The following FADS3 variants were observed in gnomAD, a reference collection of about 807,000 sequenced individuals.
FADS3 encodes cytochrome b5-related protein.
A neutral mutation model predicts 60.4 loss-of-function variants in FADS3; 30 were observed. The ratio of observed to expected loss-of-function variants is 0.50; its 90% CI spans 0.37 to 0.67. The LOEUF is 0.67. Ranked by LOEUF, FADS3 falls within the 30% of genes least tolerant of loss-of-function variation. The probability of loss-of-function intolerance (pLI) is 0.00; values close to 1 mark genes in which losing one functional copy is unlikely to be tolerated. For missense variants in FADS3, 432 were observed against 598.3 expected (o/e 0.72, Z 2.90); for synonymous variants, 234 against 249.3 (o/e 0.94, Z 0.58).
Position 61,877,894 on chromosome 11 carries a change from C to G in FADS3, c.808+261G>C, listed in dbSNP as rs538579985. 2.2e-5 allele frequency: 13 copies of G among 593,850 alleles called. No homozygotes were observed. The African/African-American group carries it at 2.2e-4, about 10-fold the overall frequency. The allele number at this position is 593,850 out of a possible 1,614,324, so 36.8% of individuals were successfully genotyped here. ...ACTCTAGTGAGGGCAAGAAGAAATT[C>G]TACGTGGGGCTTGGGGAAGCTCCCA... is the stretch of plus-strand genomic sequence containing the variant. On this transcript the variant is annotated intron_variant, in intron 6 of 11. Transcript: ENST00000278829. This position sits in a 1 kb window ranked among gnomAD's most constrained non-coding sequence, Gnocchi z 4.7.
chr11:61,891,491 C>T lies in FADS3; in HGVS notation c.-110G>A, dbSNP rs1023521476. On this transcript the variant is annotated 5_prime_UTR_variant, in exon 1 of 12. Coordinates refer to ENST00000278829, the MANE Select transcript of FADS3 (RefSeq NM_021727.5). ...CCGCCTCCGCCGCCGCCCGCTGCTC[C>T]GGCCCCGCCCTGCCGCCGCGGCCGC... 4 of 719,098 alleles carry T rather than the reference C, an allele frequency of 5.6e-6. No homozygotes were observed. In the Admixed American group the frequency reaches 1.4e-4, roughly 24 times the overall value. 44.5% of individuals were successfully genotyped at this position (719,098 alleles called of 1,614,324 possible).
chr11:61,878,979 T>C, intron 3 of FADS3, 132 bp from the exon 4 acceptor site: 1 of 728,404 alleles, frequency 1.4e-6, no homozygotes, highest in Non-Finnish European at 2.3e-6. Flanking sequence ...TGTGGGCCAG[T>C]GTCCTCTTTT....
intron 11 of FADS3, 102 bp from the exon 12 acceptor site, chr11:61,873,967 T>G: frequency 1.4e-6 from 1 of 727,104 alleles, no homozygotes; most frequent in Non-Finnish European, 2.3e-6. Context: ...AGATCCCCAT[T>G]CCCTGTGGGT....
At chr11:61,890,088 C>G (rs1187139793) in intron 1 of FADS3, 1 of 151,946 alleles carries the variant, frequency 6.6e-6, no homozygotes, top group East Asian at 1.9e-4. Flanking sequence ...GGGCCAGCGT[C>G]TGGCGCCTGA....
At chr11:61,878,305 T>C (rs1225809733) in intron 5 of FADS3, 90 bp from the exon 6 acceptor site, 2 of 1,460,198 alleles carry the variant, frequency 1.4e-6, no homozygotes, top group South Asian at 2.3e-5. Flanking sequence ...GGGCCAAGGG[T>C]CAAAGGCAAC....
At chr11:61,879,209 A>C in intron 3 of FADS3, 103 bp downstream of exon 3, 2 of 1,009,616 alleles carry the variant, frequency 2.0e-6, no homozygotes, top group Non-Finnish European at 3.0e-6. Flanking sequence ...ATCCTTTCAT[A>C]GGTCCATTCA....
In FADS3 at chr11:61,878,171, G is replaced by A. The variant is rs1937982667; in HGVS notation, c.792C>T (p.His264=). ...KRRYLPYNQQ[H]LYFFLIGPPL... ...GACACTCACTCAGGAAGAAGTACAG[G>A]TGCTGCTGGTTGTAGGGTAGGTATC... is the stretch of plus-strand genomic sequence containing the variant. The change falls in exon 6 of 12, where the codon CAC becomes CAT. Residue 264 remains histidine, a synonymous_variant. Coordinates refer to ENST00000278829, the MANE Select transcript of FADS3 (RefSeq NM_021727.5). The A allele has an allele frequency of 3.1e-6, 5 of 1,614,036 alleles. No individual in the cohort carries two copies. Among genetic ancestry groups the A allele is most frequent in the Admixed American group, 1.7e-5 (1 of 60,012 alleles).
intron 3 of FADS3, 50 bp downstream of exon 3, chr11:61,879,262 C>A (rs1446132333): frequency 2.7e-6 from 4 of 1,493,592 alleles, no homozygotes; most frequent in Non-Finnish European, 3.6e-6. Context: ...TGCATGGGGG[C>A]CCACGTCTGT....
rs763275835 is a variant in FADS3 at position 61,875,855 on chromosome 11, C to T, written c.1282G>A (p.Val428Ile). The T allele has an allele frequency of 1.2e-5, 20 of 1,612,184 alleles. No homozygotes were observed. Among genetic ancestry groups the T allele is most frequent in the Admixed American group, 5.0e-5 (3 of 59,986 alleles). ...KPFLTALVDI[V>I]RSLKKSGDIW... ...GGGGCCGGGCTGCAGCCTCACCTGACGATGTCCACCAGCGCGGTGAGGAAG... is the reference window on the plus strand; with the variant it reads ...GGGGCCGGGCTGCAGCCTCACCTGATGATGTCCACCAGCGCGGTGAGGAAG... Residue 428 changes from valine (V) to isoleucine (I), a missense_variant, in exon 11 of 12, where the codon GTC (valine) becomes ATC (isoleucine). Val to Ile is a conservative substitution (Grantham distance 29). Around this residue, in one of 5 missense-constraint regions of FADS3, gnomAD observed 63 missense variants for 64.5 expected, o/e 0.98. Coordinates refer to ENST00000278829, the MANE Select transcript of FADS3 (RefSeq NM_021727.5).
rs780065476 is a variant in FADS3, at chr11:61,876,092, C to T, written c.1160+19G>A. ...GACCCCCTCCCCACCTCCCACTGGCCCCCAGCACCCACACTCACTGGTGCT... is the reference window on the plus strand; with the variant it reads ...GACCCCCTCCCCACCTCCCACTGGCTCCCAGCACCCACACTCACTGGTGCT... On this transcript the variant is annotated intron_variant, in intron 10 of 11. Coordinates refer to ENST00000278829, the MANE Select transcript of FADS3 (RefSeq NM_021727.5). This position sits in a 1 kb window ranked among gnomAD's most constrained non-coding sequence, Gnocchi z 5.7. 4.4e-6 allele frequency: 7 copies of T among 1,609,048 alleles called. No homozygotes were observed. The South Asian group carries it at 7.7e-5, about 18-fold the overall frequency.
rs576240368 is a variant in FADS3, at chr11:61,876,697, C to A, written c.983+169G>T. The A allele has an allele frequency of 9.8e-6, 7 of 715,130 alleles. No homozygotes were observed. Among genetic ancestry groups the A allele is most frequent in the African/African-American group, 3.5e-5 (2 of 57,346 alleles). 44.3% of individuals were successfully genotyped at this position (715,130 alleles called of 1,614,324 possible). A position where few individuals can be genotyped will look rare whatever the true frequency, so the allele number is the denominator to read the frequency against. On this transcript the variant is annotated intron_variant, in intron 8 of 11. Coordinates refer to ENST00000278829, the MANE Select transcript of FADS3 (RefSeq NM_021727.5). The surrounding 1 kb of genome is among the most constrained non-coding windows in gnomAD (Gnocchi z 5.7). ...ACAAGCCAGGCCACGCTCCCTAAACCCACCGACCCTGGGCTCCTGCCACGC... is the reference window on the plus strand; with the variant it reads ...ACAAGCCAGGCCACGCTCCCTAAACACACCGACCCTGGGCTCCTGCCACGC...
At position 61,876,774 on chromosome 11, in the gene FADS3, C is replaced by G; in HGVS notation, c.983+92G>C. ...GCCAGGGAGGCAGTACCACTGGCCC[C>G]ATTCTGCAGACGGGAAAAGGGAAGC... On this transcript the variant is annotated intron_variant, in intron 8 of 11. Transcript: ENST00000278829. This position sits in a 1 kb window ranked among gnomAD's most constrained non-coding sequence, Gnocchi z 5.7. 1 of 1,014,794 alleles carries G rather than the reference C, an allele frequency of 9.9e-7. No individual in the cohort carries two copies. Among genetic ancestry groups the G allele is most frequent in the South Asian group, 1.4e-5 (1 of 72,790 alleles). 62.9% of individuals were successfully genotyped at this position (1,014,794 alleles called of 1,614,324 possible).
At chr11:61,889,246 TGTGTG>T in intron 1 of FADS3, among the ~76,000 whole-genome samples, 4 of 152,114 alleles carry the variant, frequency 2.6e-5, no homozygotes, top group Non-Finnish European at 4.4e-5. Context: ...ATGAGAAAAC[TGTGTG>T]ATGGAAGTCT....
At chr11:61,888,057 G>T (rs1375910671) in intron 1 of FADS3, among the ~76,000 whole-genome samples, 1 of 152,202 alleles carries the variant, frequency 6.6e-6, no homozygotes, top group Non-Finnish European at 1.5e-5. Flanking sequence ...ATATACTTAT[G>T]GCCAGCAGCG....
In FADS3 at chr11:61,877,356, CACATGTGAGCCACACTGTTGCACGCAT is replaced by C. The variant is rs533215665; in HGVS notation, c.885+128_885+154del. 323 of 625,956 alleles carry C rather than the reference CACATGTGAGCCACACTGTTGCACGCAT, an allele frequency of 5.2e-4. 1 individual carries two copies. Among genetic ancestry groups the C allele is most frequent in the Non-Finnish European group, 6.7e-4 (241 of 358,874 alleles). The allele number at this position is 625,956 out of a possible 1,614,324, so 38.8% of individuals were successfully genotyped here. On this transcript the variant is annotated intron_variant, in intron 7 of 11. Coordinates refer to ENST00000278829, the MANE Select transcript of FADS3 (RefSeq NM_021727.5). The surrounding 1 kb of genome is among the most constrained non-coding windows in gnomAD (Gnocchi z 4.7). Reference sequence around the variant, plus strand: ...CACACTCGCTCTCCTGCTGCGCGCACACATGTGAGCCACACTGTTGCACGCATACATGTGAGCCACACTGTTGCACGC... The same window carrying C: ...CACACTCGCTCTCCTGCTGCGCGCACACATGTGAGCCACACTGTTGCACGC...
At chr11:61,878,410 C>G in intron 5 of FADS3, 102 bp downstream of exon 5, 1 of 1,516,168 alleles carries the variant, frequency 6.6e-7, no homozygotes, top group Non-Finnish European at 9.0e-7. Flanking sequence ...AGAGTGGAGG[C>G]CAGATCAGGG....
rs1937964435 is a variant in FADS3 at position 61,877,791 on chromosome 11, C to T, written c.809-204G>A. The T allele has an allele frequency of 6.6e-6, 4 of 607,264 alleles. No homozygotes were observed. In the Admixed American group the frequency reaches 8.4e-5, roughly 13 times the overall value. The allele number at this position is 607,264 out of a possible 1,614,324, so 37.6% of individuals were successfully genotyped here. Reference sequence around the variant, plus strand: ...TACCCCACCACCTCCCACCACCCTTCACCGCAAGTCAGGGCCAGACTTGAG... The same window carrying T: ...TACCCCACCACCTCCCACCACCCTTTACCGCAAGTCAGGGCCAGACTTGAG... On this transcript the variant is annotated intron_variant, in intron 6 of 11. Transcript: ENST00000278829. The surrounding 1 kb of genome is among the most constrained non-coding windows in gnomAD (Gnocchi z 4.7).
In FADS3 at chr11:61,876,471, G is replaced by A. The variant is rs1260788648; in HGVS notation, c.984-16C>T. On this transcript the variant is annotated splice_polypyrimidine_tract_variant and intron_variant, in intron 8 of 11. Coordinates refer to ENST00000278829, the MANE Select transcript of FADS3 (RefSeq NM_021727.5). This position sits in a 1 kb window ranked among gnomAD's most constrained non-coding sequence, Gnocchi z 5.7. Reference sequence around the variant, plus strand: ...TTCCAGGACCCTGTGGGGAGGCTCGGGCACTGCCCTAGGTCCAGCTCACCA... The same window carrying A: ...TTCCAGGACCCTGTGGGGAGGCTCGAGCACTGCCCTAGGTCCAGCTCACCA... The A allele has an allele frequency of 1.2e-6, 2 of 1,608,754 alleles. No homozygotes were observed. The highest frequency in any genetic ancestry group is 1.7e-5 in the Admixed American group (1 of 60,004).
intron 1 of FADS3, among the ~76,000 whole-genome samples, chr11:61,884,737 G>A (rs1408161933): frequency 6.6e-6 from 1 of 152,122 alleles, no homozygotes; most frequent in Non-Finnish European, 1.5e-5. Context: ...AGGGGTACGT[G>A]CACAAAGCCC....
Sources: gnomAD v4.1 joint callset for allele counts (sites outside exome capture counted in the v4.1 genomes callset) on GRCh38, gnomAD v4.1.1 for gene constraint, gnomAD v4.1.1 regional missense constraint, Gnocchi (gnomAD v3.1) non-coding constraint, MANE v1.5 for transcripts, NCBI Gene and HGNC (gene_info 2026-07-23, HGNC 2026-07-21) for gene names.